TMEM168: variants seen among roughly 807,000 people sequenced by gnomAD.
TMEM168 encodes transmembrane protein 168.
A neutral mutation model predicts 53.2 loss-of-function variants in TMEM168; 40 were observed. That is an observed-to-expected ratio of 0.75 (90% confidence interval 0.58 to 0.98). TMEM168 has a LOEUF of 0.98. Among genes scored for constraint, TMEM168 ranks in the 50% least tolerant of loss-of-function variants. The pLI is 0.00. For synonymous variants in TMEM168, 282 were observed against 293.0 expected, an observed-to-expected ratio of 0.96 and a Z score of 0.38; for missense variants, 771 against 828.8, an observed-to-expected ratio of 0.93 and a Z score of 0.86.
At chr7:112,788,284 T>A (rs1793446251) in intron 1 of TMEM168, among the ~76,000 whole-genome samples, 1 of 152,226 alleles carries the variant, frequency 6.6e-6, no homozygotes. Flanking sequence ...TTGATTATTA[T>A]CTCTCTACTT....
At chr7:112,771,115 T>C (rs1214527106) in intron 4 of TMEM168, among the ~76,000 whole-genome samples, 7 of 152,200 alleles carry the variant, frequency 4.6e-5, no homozygotes, top group African/African-American at 1.4e-4. Flanking sequence ...TAAAAAGTTA[T>C]AGGTCAAGTA....
intron 3 of TMEM168, 100 bp from the exon 4 acceptor site, chr7:112,773,155 C>G: frequency 7.8e-7 from 1 of 1,276,728 alleles, no homozygotes; most frequent in Non-Finnish European, 1.0e-6. Context: ...ATAGTTGCTG[C>G]TAAGTGGCAG....
intron 4 of TMEM168, among the ~76,000 whole-genome samples, chr7:112,767,994 A>G (rs1483241713): frequency 2.0e-5 from 3 of 152,222 alleles, no homozygotes; most frequent in African/African-American, 7.2e-5. Flanking sequence ...CATAAAAAGG[A>G]ATCTGCTAGT....
At chr7:112,768,257 G>A (rs1562859893) in intron 4 of TMEM168, among the ~76,000 whole-genome samples, 1 of 152,098 alleles carries the variant, frequency 6.6e-6, no homozygotes, top group East Asian at 1.9e-4. Context: ...TAAGTTTATT[G>A]GAACACAACT....
chr7:112,772,320 T>C (rs535893406), intron 4 of TMEM168, among the ~76,000 whole-genome samples: 4 of 152,248 alleles, frequency 2.6e-5, no homozygotes, highest in African/African-American at 9.6e-5. Context: ...TGTGGCAAAT[T>C]AGGACCAGAA....
rs935507222 is a variant in TMEM168 at position 112,764,182 on chromosome 7, CTGTT to C, written c.*3011_*3014del. ...GTTAAAAAAAGAAAATAAATTCATA[CTGTT>C]TTTTTTATTCTATTGAAAAAAAAGA... On this transcript the variant is annotated 3_prime_UTR_variant, in exon 5 of 5. Transcript: ENST00000312814. The C allele has an allele frequency of 6.9e-4, 105 of 151,280 alleles. No homozygotes were observed. Among genetic ancestry groups the C allele is most frequent in the African/African-American group, 2.3e-3 (97 of 41,296 alleles). The allele number at this position is 151,280 out of a possible 1,614,324, so 9.4% of individuals were successfully genotyped here.
Position 112,766,482 on chromosome 7 carries a change from G to C in TMEM168, c.*715C>G, listed in dbSNP as rs1792781919. On this transcript the variant is annotated 3_prime_UTR_variant, in exon 5 of 5. Transcript: ENST00000312814. ...CATTAAGAAAACATTAAGTTACCCT[G>C]AGAAAGACTCTTAATATTACCAGTG... 1 of 152,592 alleles carries C rather than the reference G, an allele frequency of 6.6e-6. No individual in the cohort carries two copies. Among genetic ancestry groups the C allele is most frequent in the African/African-American group, 2.4e-5 (1 of 41,430 alleles). 9.5% of individuals were successfully genotyped at this position (152,592 alleles called of 1,614,324 possible). A position where few individuals can be genotyped will look rare whatever the true frequency, so the allele number is the denominator to read the frequency against.
At chr7:112,777,463 A>G (rs921135270) in intron 2 of TMEM168, among the ~76,000 whole-genome samples, 1 of 151,976 alleles carries the variant, frequency 6.6e-6, no homozygotes, top group African/African-American at 2.4e-5. Context: ...ATTCTTTCAC[A>G]TATTTCCTTT....
chr7:112,771,389 C>G (rs1043838255), intron 4 of TMEM168, among the ~76,000 whole-genome samples: 1 of 152,076 alleles, frequency 6.6e-6, no homozygotes, highest in Non-Finnish European at 1.5e-5. Flanking sequence ...AGTTACATAA[C>G]AACTTTCAAT....
chr7:112,767,068 G>C lies in TMEM168; in HGVS notation c.*129C>G. On this transcript the variant is annotated 3_prime_UTR_variant, in exon 5 of 5. Coordinates refer to ENST00000312814, the MANE Select transcript of TMEM168 (RefSeq NM_022484.6). ...TATATACCATAATTACTTAAGAAAA[G>C]ACAAAGTGAGAGCAGCTACAGAAGT... 1.1e-6 allele frequency: 1 copy of C among 938,220 alleles called. No homozygotes were observed. Among genetic ancestry groups the C allele is most frequent in the Non-Finnish European group, 1.6e-6 (1 of 643,174 alleles). 58.1% of individuals were successfully genotyped at this position (938,220 alleles called of 1,614,324 possible). A position where few individuals can be genotyped will look rare whatever the true frequency, so the allele number is the denominator to read the frequency against.
In TMEM168 at chr7:112,777,599, T is replaced by G. The variant is rs114604420; in HGVS notation, c.1129-2281A>C. Among the ~76,000 whole-genome samples, 844 of 152,318 alleles carry G rather than the reference T, an allele frequency of 5.5e-3. 7 individuals are homozygous for G. The highest frequency in any genetic ancestry group is 0.02 in the African/African-American group (813 of 41,574). On this transcript the variant is annotated intron_variant, in intron 2 of 4. Coordinates refer to ENST00000312814, the MANE Select transcript of TMEM168 (RefSeq NM_022484.6). ...CATACTGCTCTTTCATGCTGCTGCT[T>G]ATATAGCTTCTTCTGAACTGTATCT...
chr7:112,780,925 C>G (rs1304728967), intron 2 of TMEM168, among the ~76,000 whole-genome samples: 2 of 71,142 alleles, frequency 2.8e-5, no homozygotes, highest in African/African-American at 1.2e-4. Flanking sequence ...GGTGGTCACA[C>G]AAATACATGA....
In TMEM168 at chr7:112,766,306, C is replaced by A. The variant is rs1584432014; in HGVS notation, c.*891G>T. The A allele has an allele frequency of 6.6e-6, 1 of 152,438 alleles. No homozygotes were observed. Among genetic ancestry groups the A allele is most frequent in the African/African-American group, 2.4e-5 (1 of 41,414 alleles). 9.4% of individuals were successfully genotyped at this position (152,438 alleles called of 1,614,324 possible). On this transcript the variant is annotated 3_prime_UTR_variant, in exon 5 of 5. Coordinates refer to ENST00000312814, the MANE Select transcript of TMEM168 (RefSeq NM_022484.6). ...AGGATCAGAAAAATAATTTTCAAGG[C>A]AGAGCATTAACTCAATGGGGATCAA...
In TMEM168 at chr7:112,784,079, A is replaced by G; in HGVS notation, c.747T>C (p.Thr249=). Residue 249 remains threonine (T), a synonymous_variant, in exon 2 of 5, where the codon ACT becomes ACC. Transcript: ENST00000312814. ...GGTACAAAAAGGGTTTCCATCTTTC[A>G]GTTACTGAAAGTCCACTAAAATAAA... ...LDIYFSGLSV[T]ERWKPFLYRG... is the part of the protein sequence containing the mutation. The G allele has an allele frequency of 6.2e-7, 1 of 1,612,758 alleles. No individual in the cohort carries two copies. Among genetic ancestry groups the G allele is most frequent in the Non-Finnish European group, 8.5e-7 (1 of 1,179,718 alleles).
rs1179619832 is a variant in TMEM168 at position 112,765,428 on chromosome 7, G to GAGAT, written c.*1765_*1768dup. The GAGAT allele has an allele frequency of 6.6e-6, 1 of 152,120 alleles. No homozygotes were observed. Among genetic ancestry groups the GAGAT allele is most frequent in the African/African-American group, 2.4e-5 (1 of 41,438 alleles). 9.4% of individuals were successfully genotyped at this position (152,120 alleles called of 1,614,324 possible). A position where few individuals can be genotyped will look rare whatever the true frequency, so the allele number is the denominator to read the frequency against. Reference sequence around the variant, plus strand: ...TTGTATTTGGCTTTCTTAAAGTGAAGAGATAATGCTTTAAAGCTAACCTGC... The same window carrying GAGAT: ...TTGTATTTGGCTTTCTTAAAGTGAAGAGATAGATAATGCTTTAAAGCTAACCTGC... On this transcript the variant is annotated 3_prime_UTR_variant, in exon 5 of 5. Coordinates refer to ENST00000312814, the MANE Select transcript of TMEM168 (RefSeq NM_022484.6).
At chr7:112,777,959 T>G (rs1584444724) in intron 2 of TMEM168, among the ~76,000 whole-genome samples, 2 of 149,556 alleles carry the variant, frequency 1.3e-5, no homozygotes, top group Admixed American at 1.3e-4. Context: ...GTTAAATTTA[T>G]AAGCTGAACA....
chr7:112,770,485 C>A (rs759570942), intron 4 of TMEM168, among the ~76,000 whole-genome samples: 6 of 152,070 alleles, frequency 3.9e-5, no homozygotes, highest in Non-Finnish European at 8.8e-5. Flanking sequence ...ATAAAGACAT[C>A]ATTCTAGAAT....
rs551471829 is a variant in TMEM168 at position 112,784,046 on chromosome 7, T to C, written c.780A>G (p.Arg260=). ...ERWKPFLYRG[R]ICRRLSVVFA... ...AAACGACTGAAAGTCTTCTGCAAATTCTTCCACGGTACAAAAAGGGTTTCC... is the reference window on the plus strand; with the variant it reads ...AAACGACTGAAAGTCTTCTGCAAATCCTTCCACGGTACAAAAAGGGTTTCC... The change falls in exon 2 of 5, where the codon AGA becomes AGG. Residue 260 remains arginine, a synonymous_variant. Coordinates refer to ENST00000312814, the MANE Select transcript of TMEM168 (RefSeq NM_022484.6). 25 of 1,612,072 alleles carry C rather than the reference T, an allele frequency of 1.6e-5. No individual in the cohort carries two copies. In the East Asian group the frequency reaches 5.4e-4, roughly 35 times the overall value.
Position 112,784,691 on chromosome 7 carries a change from C to A in TMEM168, c.135G>T (p.Leu45Phe), listed in dbSNP as rs752852979. The change falls in exon 2 of 5, where the codon TTG (leucine) becomes TTT (phenylalanine). Residue 45 changes from leucine (L) to phenylalanine (F), a missense_variant. Transcript: ENST00000312814. ...YLGYLARINLLVAICLGLYVR... is the reference protein window; with the variant it reads ...YLGYLARINLFVAICLGLYVR... ...CGTATAGACCTAAGCATATAGCAAC[C>A]AATAAATTGATTCTGGCTAAATAGC... 7.4e-6 allele frequency: 12 copies of A among 1,613,876 alleles called. No homozygotes were observed. Among genetic ancestry groups the A allele is most frequent in the Non-Finnish European group, 1.0e-5 (12 of 1,179,994 alleles).
Sources: gnomAD v4.1 joint callset for allele counts (sites outside exome capture counted in the v4.1 genomes callset) on GRCh38, gnomAD v4.1.1 for gene constraint, MANE v1.5 for transcripts, NCBI Gene and HGNC (gene_info 2026-07-23, HGNC 2026-07-21) for gene names.